CDH13: variants seen among roughly 807,000 people sequenced by gnomAD.
CDH13 encodes cadherin-13.
CDH13 carries 24 observed loss-of-function variants against 63.8 expected under a neutral mutation model. That is an observed-to-expected ratio of 0.38 (90% CI 0.27 to 0.53). The LOEUF (loss-of-function observed/expected upper bound fraction) is 0.53. Ranked by LOEUF, CDH13 falls within the 20% of genes least tolerant of loss-of-function variation. The pLI, the probability that CDH13 is intolerant of heterozygous loss-of-function variation, is 0.85. For missense variants in CDH13, 1,049 were observed against 903.1 expected, an observed-to-expected ratio of 1.16 and a Z score of -2.07; for synonymous variants, 503 against 355.3, an observed-to-expected ratio of 1.42 and a Z score of -4.67.
intron 2 of CDH13, among the ~76,000 whole-genome samples, chr16:83,025,906 A>G (rs1410275115): frequency 6.6e-6 from 1 of 152,150 alleles, no homozygotes; most frequent in African/African-American, 2.4e-5. Context: ...ACTAGTGCAC[A>G]CAGACCGCAA....
At chr16:83,726,862 C>G (rs1430520621) in intron 10 of CDH13, among the ~76,000 whole-genome samples, 1 of 151,116 alleles carries the variant, frequency 6.6e-6, no homozygotes, top group Non-Finnish European at 1.5e-5. Context: ...AATCACCGTC[C>G]TTTTTTGGCG....
intron 7 of CDH13, among the ~76,000 whole-genome samples, chr16:83,556,173 T>TAGAG (rs1378891740): frequency 6.6e-6 from 1 of 152,250 alleles, no homozygotes; most frequent in East Asian, 1.9e-4. Flanking sequence ...AGGAGAGGCT[T>TAGAG]AGAGACAATT....
rs993587824 is a variant in CDH13, at chr16:83,796,581, G to A, written c.*1551G>A. The A allele has an allele frequency of 2.6e-5, 4 of 152,088 alleles. No homozygotes were observed. Among genetic ancestry groups the A allele is most frequent in the Non-Finnish European group, 4.4e-5 (3 of 68,028 alleles). 9.4% of individuals were successfully genotyped at this position (152,088 alleles called of 1,614,324 possible). A position where few individuals can be genotyped will look rare whatever the true frequency, so the allele number is the denominator to read the frequency against. The stretch of plus-strand genomic sequence containing the variant: ...TTTTTTTTTCCATTAAAATAAATGG[G>A]TATTGGTGGTTAAAACTGCTGGACA... On this transcript the variant is annotated 3_prime_UTR_variant, in exon 14 of 14. Transcript: ENST00000567109.
chr16:83,020,450 T>A (rs1162212991), intron 2 of CDH13, among the ~76,000 whole-genome samples: 2 of 152,122 alleles, frequency 1.3e-5, no homozygotes, highest in Non-Finnish European at 1.5e-5. Flanking sequence ...CCCCTCAAGG[T>A]GCCAACAGAC....
At chr16:82,647,418 A>G (rs980001995) in intron 1 of CDH13, among the ~76,000 whole-genome samples, 6 of 152,054 alleles carry the variant, frequency 3.9e-5, no homozygotes, top group African/African-American at 7.2e-5. Flanking sequence ...TTCTCTTGGG[A>G]GGTGGTCCAA....
chr16:83,586,030 T>C (rs560523377), intron 7 of CDH13, among the ~76,000 whole-genome samples: 23 of 152,336 alleles, frequency 1.5e-4, no homozygotes, highest in African/African-American at 5.3e-4. Context: ...CAGGGGTATG[T>C]TGAAGACCAA....
At chr16:83,007,790 C>T (rs985823487) in intron 2 of CDH13, among the ~76,000 whole-genome samples, 2 of 150,298 alleles carry the variant, frequency 1.3e-5, no homozygotes, top group Non-Finnish European at 2.9e-5. Flanking sequence ...CACCACTGCA[C>T]TCTAGTCTGG....
intron 1 of CDH13, among the ~76,000 whole-genome samples, chr16:82,676,735 A>G (rs73601047): frequency 0.027 from 4,109 of 152,168 alleles, 195 homozygotes; most frequent in African/African-American, 0.094. Flanking sequence ...CATGAGATGC[A>G]CTTTCTGAGA....
At chr16:82,886,091 T>G (rs2040878314) in intron 2 of CDH13, among the ~76,000 whole-genome samples, 1 of 152,236 alleles carries the variant, frequency 6.6e-6, no homozygotes, top group Non-Finnish European at 1.5e-5. Flanking sequence ...GTTACTGATA[T>G]CCATCTGTTT....
chr16:83,160,555 G>T (rs182806942), intron 4 of CDH13, among the ~76,000 whole-genome samples: 1 of 152,246 alleles, frequency 6.6e-6, no homozygotes, highest in African/African-American at 2.4e-5. Context: ...GGCACATTTA[G>T]CATACTGTCA....
intron 1 of CDH13, among the ~76,000 whole-genome samples, chr16:82,676,696 A>G (rs540796206): frequency 4.6e-5 from 7 of 152,214 alleles, no homozygotes; most frequent in Non-Finnish European, 1.0e-4. Context: ...ATATAAAACA[A>G]AACCTCGGAC....
At chr16:83,133,282 T>C (rs2036138255) in intron 4 of CDH13, among the ~76,000 whole-genome samples, 1 of 152,200 alleles carries the variant, frequency 6.6e-6, no homozygotes, top group Non-Finnish European at 1.5e-5. Flanking sequence ...AAATACACAT[T>C]GGATTTCAAA....
At chr16:83,612,932 GA>G (rs1002524996) in intron 8 of CDH13, among the ~76,000 whole-genome samples, 1 of 152,090 alleles carries the variant, frequency 6.6e-6, no homozygotes, top group African/African-American at 2.4e-5. Flanking sequence ...CCACATGGAA[GA>G]ATTTTCCCCT....
rs8059215 is a variant in CDH13 at position 82,991,453 on chromosome 16, C to T, written c.158-40557C>T. Among the ~76,000 whole-genome samples the T allele has an allele frequency of 7.0e-3, 1,071 of 152,236 alleles. 12 individuals are homozygous for T. The highest frequency in any genetic ancestry group is 0.024 in the African/African-American group (1,009 of 41,540). On this transcript the variant is annotated intron_variant, in intron 2 of 13. Coordinates refer to ENST00000567109, the MANE Select transcript of CDH13 (RefSeq NM_001257.5). ...TTATCTTTAACACAGATTTCAACTC[C>T]TTCACTTCAGTTGCCATGAACTGCA...
Position 83,139,973 on chromosome 16 carries a change from G to A in CDH13, c.483+14472G>A, listed in dbSNP as rs954485487. On this transcript the variant is annotated intron_variant, in intron 4 of 13. Coordinates refer to ENST00000567109, the MANE Select transcript of CDH13 (RefSeq NM_001257.5). ...GCCAAGATCATACCATTACACTCCA[G>A]CCTGGGCAACAAGAGCAAAACTCCA... is the stretch of plus-strand genomic sequence containing the variant. Among the ~76,000 whole-genome samples the A allele has an allele frequency of 2.6e-5, 4 of 152,176 alleles. No individual in the cohort carries two copies. The South Asian group carries it at 6.2e-4, about 24-fold the overall frequency.
chr16:82,985,144 T>A (rs1910773491), intron 2 of CDH13, among the ~76,000 whole-genome samples: 2 of 152,320 alleles, frequency 1.3e-5, no homozygotes, highest in South Asian at 4.1e-4. Flanking sequence ...TGAAAAGGAA[T>A]CCTTACAGAA....
chr16:82,963,793 A>G (rs536689302), intron 2 of CDH13, among the ~76,000 whole-genome samples: 7 of 152,254 alleles, frequency 4.6e-5, no homozygotes, highest in African/African-American at 1.7e-4. Context: ...TCCCCTTGGC[A>G]CGGGAAGCCC....
chr16:82,890,056 A>G (rs536316306), intron 2 of CDH13, among the ~76,000 whole-genome samples: 2 of 152,348 alleles, frequency 1.3e-5, no homozygotes, highest in East Asian at 1.9e-4. Flanking sequence ...CTGGCTTCAA[A>G]ACGCAGAGCA....
chr16:82,720,682 T>C (rs1324736534), intron 1 of CDH13, among the ~76,000 whole-genome samples: 1 of 151,954 alleles, frequency 6.6e-6, no homozygotes, highest in Admixed American at 6.6e-5. Flanking sequence ...TTAGTGTTTT[T>C]TTTTTTCTCA....
Sources: allele counts gnomAD v4.1 joint callset (sites outside exome capture counted in the v4.1 genomes callset), GRCh38; gene constraint gnomAD v4.1.1; transcripts MANE v1.5; gene names NCBI Gene and HGNC (gene_info 2026-07-23, HGNC 2026-07-21).